Variants in TNS4 observed in about 807,000 individuals in gnomAD.
TNS4 encodes tensin 4.
TNS4 carries 46 observed loss-of-function variants against 70.4 expected under a neutral mutation model. The ratio of observed to expected loss-of-function variants is 0.65; its 90% CI spans 0.52 to 0.84. TNS4 has a LOEUF of 0.84. Ranked by LOEUF, TNS4 falls within the 40% of genes least tolerant of loss-of-function variation. The probability of loss-of-function intolerance (pLI) is 0.00; values close to 1 mark genes in which losing one functional copy is unlikely to be tolerated. For missense variants in TNS4, 863 were observed against 907.0 expected, an observed-to-expected ratio of 0.95 and a Z score of 0.62; for synonymous variants, 390 against 366.6, an observed-to-expected ratio of 1.06 and a Z score of -0.73.
rs752475416 is a variant in TNS4 at position 40,487,123 on chromosome 17, C to T, written c.1201G>A (p.Gly401Arg). 9.9e-6 allele frequency: 16 copies of T among 1,614,180 alleles called. No homozygotes were observed. In the Admixed American group the frequency reaches 2.7e-4, roughly 27 times the overall value. ...TPGHQNSVQP[G>R]AASPSNPCPA... ...CAGGGGTTGCTGGGAGAAGCAGCTC[C>T]AGGTTGAACGGAGTTCTGGTGTCCT... Residue 401 changes from glycine (G) to arginine (R), a missense_variant, in exon 4 of 13, where the codon GGA becomes AGA. Gly to Arg is a moderately radical substitution (Grantham distance 125). Coordinates refer to ENST00000254051, the MANE Select transcript of TNS4 (RefSeq NM_032865.6).
chr17:40,495,852 G>C (rs1177968493), intron 2 of TNS4, 135 bp downstream of exon 2: 1 of 831,738 alleles, frequency 1.2e-6, no homozygotes, highest in African/African-American at 1.8e-5. Context: ...AAAACAGAGG[G>C]GTTAGTAACT....
At chr17:40,480,322 T>G (rs779874823) in intron 9 of TNS4, among the ~76,000 whole-genome samples, 1 of 152,090 alleles carries the variant, frequency 6.6e-6, no homozygotes, top group Non-Finnish European at 1.5e-5. Context: ...ACCTTTCCCC[T>G]GGTGAAGGCT....
chr17:40,494,917 C>T (rs1049769312), intron 2 of TNS4, among the ~76,000 whole-genome samples: 35 of 152,188 alleles, frequency 2.3e-4, no homozygotes, highest in Admixed American at 4.6e-4. Context: ...AGGCCTCAGT[C>T]TTCCAACCTG....
chr17:40,482,811 C>T (rs868055048), intron 6 of TNS4, among the ~76,000 whole-genome samples: 62 of 152,054 alleles, frequency 4.1e-4, no homozygotes, highest in African/African-American at 1.5e-3. Flanking sequence ...CTTGTCCATC[C>T]CCCTGCCTCT....
intron 12 of TNS4, 79 bp from the exon 13 acceptor site, chr17:40,477,808 C>T (rs1214758878): frequency 2.2e-6 from 3 of 1,367,590 alleles, no homozygotes; most frequent in African/African-American, 2.8e-5. Context: ...GGTGGGGGGC[C>T]CTCAGCCTGC....
At chr17:40,486,508 C>G (rs2035990758) in intron 4 of TNS4, among the ~76,000 whole-genome samples, 1 of 151,946 alleles carries the variant, frequency 6.6e-6, no homozygotes, top group Non-Finnish European at 1.5e-5. Context: ...CTGATGGTAC[C>G]CTATTGCTTA....
chr17:40,488,026 T>C (rs2036014955), intron 3 of TNS4, among the ~76,000 whole-genome samples: 1 of 152,238 alleles, frequency 6.6e-6, no homozygotes, highest in African/African-American at 2.4e-5. Flanking sequence ...AGCAGAGTCC[T>C]GTGGTTCGGT....
Position 40,477,379 on chromosome 17 carries a change from T to C in TNS4, c.*209A>G, listed in dbSNP as rs2143771662. 16 of 556,932 alleles carry C rather than the reference T, an allele frequency of 2.9e-5. 1 individual carries two copies. In the South Asian group the frequency reaches 3.8e-4, roughly 13 times the overall value. The allele number at this position is 556,932 out of a possible 1,614,324, so 34.5% of individuals were successfully genotyped here. A position where few individuals can be genotyped will look rare whatever the true frequency, so the allele number is the denominator to read the frequency against. ...GATCTTGTCTATTGGTCTTCTTCTA[T>C]GATTGAGGAAACTGAGGCCCGGGGG... On this transcript the variant is annotated 3_prime_UTR_variant, in exon 13 of 13. Transcript: ENST00000254051.
intron 7 of TNS4, 39 bp from the exon 8 acceptor site, chr17:40,482,245 C>T (rs751300290): frequency 1.2e-6 from 2 of 1,613,896 alleles, no homozygotes; most frequent in Admixed American, 1.7e-5. Flanking sequence ...GTAGAGCTTC[C>T]CCAACCCACC....
At chr17:40,479,542 C>A in intron 10 of TNS4, 132 bp downstream of exon 10, 1 of 1,129,108 alleles carries the variant, frequency 8.9e-7, no homozygotes, top group Non-Finnish European at 1.2e-6. Context: ...AGTCACTCAG[C>A]ACATCACTGG....
At chr17:40,478,154 G>C (rs780746413) in intron 12 of TNS4, 153 bp downstream of exon 12, 3 of 991,210 alleles carry the variant, frequency 3.0e-6, no homozygotes, top group African/African-American at 1.6e-5. Flanking sequence ...TCTGAGGGCA[G>C]TCAAAGTCTT....
intron 2 of TNS4, among the ~76,000 whole-genome samples, chr17:40,490,835 A>G (rs2036058727): frequency 6.6e-6 from 1 of 152,220 alleles, no homozygotes; most frequent in South Asian, 2.1e-4. Flanking sequence ...TTATCTGCAA[A>G]GTGAGGATCT....
At chr17:40,478,920 A>G (rs2035885793) in intron 10 of TNS4, among the ~76,000 whole-genome samples, 1 of 151,844 alleles carries the variant, frequency 6.6e-6, no homozygotes, top group South Asian at 2.1e-4. Context: ...TTGGCCACTA[A>G]CTTTTTGAGG....
At chr17:40,483,494 C>A (rs754135136) in intron 6 of TNS4, among the ~76,000 whole-genome samples, 6 of 152,196 alleles carry the variant, frequency 3.9e-5, no homozygotes, top group Non-Finnish European at 5.9e-5. Context: ...AGCCACTGTG[C>A]CTGGCAAGGA....
intron 2 of TNS4, among the ~76,000 whole-genome samples, chr17:40,495,100 AGT>A (rs1266713345): frequency 2.0e-5 from 3 of 152,168 alleles, no homozygotes; most frequent in Non-Finnish European, 4.4e-5. Flanking sequence ...TTGTCTAGCT[AGT>A]TACTAAACCC....
Position 40,497,818 on chromosome 17 carries a change from G to A in TNS4, c.-95-1298C>T, listed in dbSNP as rs139997448. The stretch of plus-strand genomic sequence containing the variant: ...TGCCAGCTCAACCCTGAGGGCAACA[G>A]GGAGGCTCTGAAAAGTTTTGAGCTG... On this transcript the variant is annotated intron_variant, in intron 1 of 12. Transcript: ENST00000254051. Among the ~76,000 whole-genome samples, 211 of 152,326 alleles carry A rather than the reference G, an allele frequency of 1.4e-3. 4 individuals are homozygous for A. In the East Asian group the frequency reaches 0.032, roughly 23 times the overall value.
At chr17:40,478,803 G>C (rs1035434503) in intron 10 of TNS4, among the ~76,000 whole-genome samples, 155 bp from the exon 11 acceptor site, 1 of 152,188 alleles carries the variant, frequency 6.6e-6, no homozygotes, top group African/African-American at 2.4e-5. Flanking sequence ...TCCCACTGGG[G>C]GGCCCTGGCG....
chr17:40,481,626 G>A (rs1238517745), intron 8 of TNS4, among the ~76,000 whole-genome samples: 1 of 152,152 alleles, frequency 6.6e-6, no homozygotes, highest in Non-Finnish European at 1.5e-5. Flanking sequence ...TTGGCCTCCC[G>A]AAGTGCTGGG....
At chr17:40,498,121 T>G (rs1165751662) in intron 1 of TNS4, among the ~76,000 whole-genome samples, 3 of 152,068 alleles carry the variant, frequency 2.0e-5, no homozygotes, top group Admixed American at 6.5e-5. Context: ...ACCCCCCAAC[T>G]CTCTTTCTTC....
Sources: gnomAD v4.1 joint callset for allele counts (sites outside exome capture counted in the v4.1 genomes callset) on GRCh38, gnomAD v4.1.1 for gene constraint, MANE v1.5 for transcripts, NCBI Gene and HGNC (gene_info 2026-07-23, HGNC 2026-07-21) for gene names.